The following MLIP variants were observed in gnomAD, a reference collection of about 807,000 sequenced individuals.
The protein encoded by MLIP is muscular LMNA-interacting protein.
Under a neutral mutation model 84.8 loss-of-function variants are expected in MLIP, and 79 were observed. The ratio of observed to expected loss-of-function variants is 0.93; its 90% CI spans 0.78 to 1.12. The LOEUF is 1.12. Among genes scored for constraint, MLIP ranks in the 50% most tolerant of loss-of-function variants. The probability of loss-of-function intolerance (pLI) is 0.00; values close to 1 mark genes in which losing one functional copy is unlikely to be tolerated. For missense variants in MLIP, 1,257 were observed against 1,160.6 expected, an observed-to-expected ratio of 1.08 and a Z score of -1.21; for synonymous variants, 504 against 463.0, an observed-to-expected ratio of 1.09 and a Z score of -1.14.
intron 1 of MLIP, among the ~76,000 whole-genome samples, chr6:54,087,323 C>A (rs868701674): frequency 2.6e-5 from 4 of 152,102 alleles, no homozygotes; most frequent in South Asian, 2.1e-4. Context: ...GTGGAAGTTT[C>A]ACATTTATAG....
intron 1 of MLIP, among the ~76,000 whole-genome samples, chr6:54,041,315 C>T (rs984450834): frequency 2.0e-5 from 3 of 152,020 alleles, no homozygotes; most frequent in African/African-American, 7.2e-5. Context: ...TTTGTTTAAA[C>T]ATTCACCCAC....
chr6:54,067,217 G>A lies in MLIP; in HGVS notation c.63+48126G>A, dbSNP rs372185325. Reference sequence around the variant, plus strand: ...CTATCACGAATTTTAAAATTCATGAGTTGGTATTTGATCTTTAGCATGACA... The same window carrying A: ...CTATCACGAATTTTAAAATTCATGAATTGGTATTTGATCTTTAGCATGACA... On this transcript the variant is annotated intron_variant, in intron 1 of 12. Transcript: ENST00000274897. Among the ~76,000 whole-genome samples, 199 of 100,976 alleles carry A rather than the reference G, an allele frequency of 2.0e-3. 26 individuals carry two copies. Among genetic ancestry groups the A allele is most frequent in the Middle Eastern group, 0.019 (4 of 208 alleles). 66.2% of individuals were successfully genotyped at this position (100,976 alleles called of 152,430 possible).
chr6:54,221,731 G>A (rs1780233868), intron 11 of MLIP, among the ~76,000 whole-genome samples: 1 of 151,788 alleles, frequency 6.6e-6, no homozygotes, highest in African/African-American at 2.4e-5. Context: ...ATAAAAATAG[G>A]CAAAAGTAGA....
chr6:54,254,371 C>T (rs940259105), intron 12 of MLIP, among the ~76,000 whole-genome samples: 27 of 151,936 alleles, frequency 1.8e-4, no homozygotes, highest in African/African-American at 6.0e-4. Flanking sequence ...GTGATCCACC[C>T]GCCTAGGCCT....
chr6:54,019,658 A>ACTCAAGGTTAACTC (rs1168484107), intron 1 of MLIP, among the ~76,000 whole-genome samples: 1 of 152,224 alleles, frequency 6.6e-6, no homozygotes, highest in Non-Finnish European at 1.5e-5. Context: ...CCTTGAGTTA[A>ACTCAAGGTTAACTC]ATGTGCTGTC....
chr6:54,260,946 C>T (rs1489082847), intron 13 of MLIP, among the ~76,000 whole-genome samples: 4 of 151,828 alleles, frequency 2.6e-5, no homozygotes, highest in Non-Finnish European at 1.5e-5. Flanking sequence ...ACTGATGAAA[C>T]TCCATACAAG....
At chr6:54,032,948 T>G (rs1208557755) in intron 1 of MLIP, among the ~76,000 whole-genome samples, 1 of 152,230 alleles carries the variant, frequency 6.6e-6, no homozygotes, top group Non-Finnish European at 1.5e-5. Flanking sequence ...TTTTTCTTAT[T>G]ACTCAGATTG....
intron 8 of MLIP, among the ~76,000 whole-genome samples, chr6:54,161,336 A>G (rs1431982965): frequency 2.6e-5 from 4 of 151,940 alleles, no homozygotes; most frequent in Non-Finnish European, 5.9e-5. Flanking sequence ...AGGGAAATAA[A>G]ACTGGATATT....
chr6:54,131,190 G>A (rs1207687798), intron 3 of MLIP, among the ~76,000 whole-genome samples: 2 of 152,150 alleles, frequency 1.3e-5, no homozygotes, highest in Admixed American at 6.5e-5. Flanking sequence ...TAGATCAGAT[G>A]TCTGGATATG....
chr6:54,181,238 C>T (rs1475360612), intron 9 of MLIP, among the ~76,000 whole-genome samples: 4 of 152,164 alleles, frequency 2.6e-5, no homozygotes, highest in African/African-American at 4.8e-5. Flanking sequence ...GTTCTTTCTG[C>T]TCTTCCCTCC....
At chr6:54,092,280 T>G (rs1561923006) in intron 1 of MLIP, among the ~76,000 whole-genome samples, 1 of 152,164 alleles carries the variant, frequency 6.6e-6, no homozygotes, top group Non-Finnish European at 1.5e-5. Flanking sequence ...TCTACATGCT[T>G]GTGAATTGCA....
intron 1 of MLIP, among the ~76,000 whole-genome samples, chr6:54,082,684 G>A (rs548485976): frequency 6.6e-6 from 1 of 152,194 alleles, no homozygotes; most frequent in East Asian, 1.9e-4. Context: ...TGCCAATTTG[G>A]TGGGTAGAAA....
At chr6:54,249,059 C>A (rs1439574185) in intron 12 of MLIP, among the ~76,000 whole-genome samples, 4 of 151,990 alleles carry the variant, frequency 2.6e-5, no homozygotes, top group Non-Finnish European at 5.9e-5. Context: ...TTTTACCATC[C>A]CCATCAGCAT....
chr6:54,244,416 C>T (rs774279011), intron 12 of MLIP, among the ~76,000 whole-genome samples: 2 of 152,022 alleles, frequency 1.3e-5, no homozygotes, highest in Non-Finnish European at 2.9e-5. Context: ...CACTATTTGA[C>T]GATGCCAAAT....
intron 12 of MLIP, among the ~76,000 whole-genome samples, chr6:54,244,290 C>A (rs1334092302): frequency 6.6e-6 from 1 of 151,692 alleles, no homozygotes; most frequent in African/African-American, 2.4e-5. Context: ...AGATAGCTAT[C>A]GAGATGATTA....
At chr6:54,210,224 C>A (rs369400206) in intron 11 of MLIP, among the ~76,000 whole-genome samples, 1 of 152,240 alleles carries the variant, frequency 6.6e-6, no homozygotes, top group African/African-American at 2.4e-5. Context: ...CGTTTCAGTT[C>A]TTTCATGGTA....
intron 1 of MLIP, among the ~76,000 whole-genome samples, chr6:54,027,096 A>G (rs185626018): frequency 6.6e-6 from 1 of 152,194 alleles, no homozygotes; most frequent in Admixed American, 6.5e-5. Flanking sequence ...GATCAAATGT[A>G]AAACAGAAGT....
In MLIP at chr6:54,170,820, A is replaced by G. The variant is rs9382299; in HGVS notation, c.2544+1248A>G. ...TCCTTTCCCTTTTTCCTTTATTCAT[A>G]TCTCCTTTCTTCTCTTCCTCTTATC... On this transcript the variant is annotated intron_variant, in intron 9 of 13. Transcript: ENST00000502396. Among the ~76,000 whole-genome samples, 195 of 151,654 alleles carry G rather than the reference A, an allele frequency of 1.3e-3. 4 individuals are homozygous for G. In the South Asian group the frequency reaches 0.023, roughly 18 times the overall value.
At chr6:54,054,728 C>T (rs1765557071) in intron 1 of MLIP, among the ~76,000 whole-genome samples, 1 of 152,168 alleles carries the variant, frequency 6.6e-6, no homozygotes. Flanking sequence ...CTGGCAGCTT[C>T]CCGTTAAAGT....
Sources: allele counts gnomAD v4.1 joint callset (sites outside exome capture counted in the v4.1 genomes callset), GRCh38; gene constraint gnomAD v4.1.1; transcripts MANE v1.5; gene names NCBI Gene and HGNC (gene_info 2026-07-23, HGNC 2026-07-21).